PDPK1: variants seen among roughly 807,000 people sequenced by gnomAD.
The protein encoded by PDPK1 is 3-phosphoinositide dependent protein kinase 1.
Under a neutral mutation model 39.8 loss-of-function variants are expected in PDPK1, and 7 were observed. The ratio of observed to expected loss-of-function variants is 0.18; its 90% confidence interval spans 0.10 to 0.33. PDPK1 has a LOEUF of 0.33. Ranked by LOEUF, PDPK1 falls within the 10% of genes least tolerant of loss-of-function variation. The pLI is 1.00. For missense variants in PDPK1, 182 were observed against 384.7 expected, an observed-to-expected ratio of 0.47 and a Z score of 4.41; for synonymous variants, 118 against 159.1, an observed-to-expected ratio of 0.74 and a Z score of 1.95.
chr16:2,592,360 A>G (rs1420620387), intron 11 of PDPK1, among the ~76,000 whole-genome samples: 2 of 152,166 alleles, frequency 1.3e-5, no homozygotes, highest in Non-Finnish European at 2.9e-5. Context: ...TCCCGTGTGC[A>G]TGGCGAGTAG....
chr16:2,594,394 A>AT (rs2067056937), intron 11 of PDPK1: 1 of 152,038 alleles, frequency 6.6e-6, no homozygotes. Flanking sequence ...AATACAAAAA[A>AT]TTAGCTGGGC....
At chr16:2,542,630 G>A (rs1488968640) in intron 1 of PDPK1, among the ~76,000 whole-genome samples, 6 of 152,220 alleles carry the variant, frequency 3.9e-5, no homozygotes, top group Non-Finnish European at 5.9e-5. Context: ...GATGAAGGTG[G>A]GCATGTAGTT....
At chr16:2,588,746 A>G (rs1430928290) in intron 11 of PDPK1, among the ~76,000 whole-genome samples, 6 of 152,094 alleles carry the variant, frequency 3.9e-5, no homozygotes, top group African/African-American at 1.4e-4. Flanking sequence ...TCTGTCCAGC[A>G]CCTGCTCTTT....
rs1359282245 is a variant in PDPK1 at position 2,600,189 on chromosome 16, C to G, written c.*2422C>G. 1 of 233,268 alleles carries G rather than the reference C, an allele frequency of 4.3e-6. No individual in the cohort carries two copies. Among genetic ancestry groups the G allele is most frequent in the African/African-American group, 2.2e-5 (1 of 45,466 alleles). The allele number at this position is 233,268 out of a possible 1,614,324, so 14.4% of individuals were successfully genotyped here. The stretch of plus-strand genomic sequence containing the variant: ...AGGCGCCTTACATTCTACGGTAGAA[C>G]GTGGGGTACTGTGTGTGCACATAGA... On this transcript the variant is annotated 3_prime_UTR_variant, in exon 14 of 14. Coordinates refer to ENST00000342085, the MANE Select transcript of PDPK1 (RefSeq NM_002613.5).
At chr16:2,546,044 GTATT>G (rs2066338211) in intron 1 of PDPK1, among the ~76,000 whole-genome samples, 1 of 152,128 alleles carries the variant, frequency 6.6e-6, no homozygotes, top group Admixed American at 6.5e-5. Context: ...TTCAGGCTAA[GTATT>G]TATGGCAAGA....
At chr16:2,542,481 A>G (rs2141936012) in intron 1 of PDPK1, among the ~76,000 whole-genome samples, 1 of 152,292 alleles carries the variant, frequency 6.6e-6, no homozygotes, top group Admixed American at 6.5e-5. Flanking sequence ...AAAGAGTTGG[A>G]TTATACAGGG....
At chr16:2,546,172 C>T (rs1240971156) in intron 1 of PDPK1, among the ~76,000 whole-genome samples, 1 of 151,940 alleles carries the variant, frequency 6.6e-6, no homozygotes, top group East Asian at 1.9e-4. Context: ...CAACCTCTGC[C>T]ACCCGGGTTC....
chr16:2,590,103 C>T (rs971739979), intron 11 of PDPK1, among the ~76,000 whole-genome samples: 1 of 152,168 alleles, frequency 6.6e-6, no homozygotes, highest in African/African-American at 2.4e-5. Context: ...CCTGTGTCCC[C>T]TGGCTTCTCA....
chr16:2,543,849 G>A (rs2066284737), intron 1 of PDPK1, among the ~76,000 whole-genome samples: 1 of 151,806 alleles, frequency 6.6e-6, no homozygotes, highest in South Asian at 2.1e-4. Flanking sequence ...AGCCTCCTGA[G>A]TAGCTGGGAT....
chr16:2,539,632 C>T (rs2066207725), intron 1 of PDPK1: 1 of 152,158 alleles, frequency 6.6e-6, no homozygotes, highest in Non-Finnish European at 1.5e-5. Context: ...TTCGCTATTT[C>T]GACATGTGTG....
rs937212501 is a variant in PDPK1, at chr16:2,601,314, C to T, written c.*3547C>T. Reference sequence around the variant, plus strand: ...CAAAGAATGTCTGAATAAGACCGCTCTTTATTTAAATGCTAAGAGGATGTC... The same window carrying T: ...CAAAGAATGTCTGAATAAGACCGCTTTTTATTTAAATGCTAAGAGGATGTC... On this transcript the variant is annotated 3_prime_UTR_variant, in exon 14 of 14. Coordinates refer to ENST00000342085, the MANE Select transcript of PDPK1 (RefSeq NM_002613.5). The T allele has an allele frequency of 4.3e-6, 1 of 234,458 alleles. No homozygotes were observed. 14.5% of individuals were successfully genotyped at this position (234,458 alleles called of 1,614,324 possible).
rs535500206 is a variant in PDPK1 at position 2,595,450 on chromosome 16, A to G, written c.1344-343A>G. On this transcript the variant is annotated intron_variant, in intron 11 of 13. Coordinates refer to ENST00000342085, the MANE Select transcript of PDPK1 (RefSeq NM_002613.5). ...TCGGGAGGCAGTTCTGCGCCTCACC[A>G]CAGCTTTGTTAAGGCAGCAATGACC... Among the ~76,000 whole-genome samples, 6 of 152,158 alleles carry G rather than the reference A, an allele frequency of 3.9e-5. No homozygotes were observed. In the East Asian group the frequency reaches 5.8e-4, roughly 15 times the overall value.
At chr16:2,573,848 G>A (rs1409879121) in intron 6 of PDPK1, among the ~76,000 whole-genome samples, 14 of 56,102 alleles carry the variant, frequency 2.5e-4, no homozygotes, top group Non-Finnish European at 3.4e-4. Context: ...AAGCTGGAGT[G>A]CGGTGGCGCG....
Position 2,603,053 on chromosome 16 carries a change from T to G in PDPK1, c.*5286T>G, listed in dbSNP as rs1361382896. The G allele has an allele frequency of 8.7e-6, 2 of 229,620 alleles. No homozygotes were observed. The allele number at this position is 229,620 out of a possible 1,614,324, so 14.2% of individuals were successfully genotyped here. A position where few individuals can be genotyped will look rare whatever the true frequency, so the allele number is the denominator to read the frequency against. ...TTATATAAATTTTCTATTGGGTCAG[T>G]GATTTAATCATATAATTTAATGAAT... On this transcript the variant is annotated 3_prime_UTR_variant, in exon 14 of 14. Transcript: ENST00000342085.
In PDPK1 at chr16:2,593,032, T is replaced by C. The variant is rs757506040; in HGVS notation, c.1344-2761T>C. ...GCTCCTTGCCTGTGGCCTTTTTTTT[T>C]CTCAGGATGGATTTCTGGAAGCGAG... is the stretch of plus-strand genomic sequence containing the variant. On this transcript the variant is annotated intron_variant, in intron 11 of 13. Transcript: ENST00000342085. The surrounding 1 kb of genome is among the most constrained non-coding windows in gnomAD (Gnocchi z 4.2). 6.4e-5 allele frequency: 29 copies of C among 456,514 alleles called. No homozygotes were observed. Among genetic ancestry groups the C allele is most frequent in the African/African-American group, 2.0e-4 (10 of 50,020 alleles). The allele number at this position is 456,514 out of a possible 1,614,324, so 28.3% of individuals were successfully genotyped here.
chr16:2,592,543 T>C (rs996144929), intron 11 of PDPK1: 6 of 334,260 alleles, frequency 1.8e-5, no homozygotes, highest in Non-Finnish European at 2.9e-5. Flanking sequence ...GGCCTACTGG[T>C]GGGTACCTGT....
At chr16:2,547,352 C>T (rs1337881878) in intron 1 of PDPK1, among the ~76,000 whole-genome samples, 1 of 128,006 alleles carries the variant, frequency 7.8e-6, no homozygotes, top group African/African-American at 3.6e-5. Flanking sequence ...CGGGCTCAGA[C>T]GCTCAGATGC....
In PDPK1 at chr16:2,595,834, C is replaced by T; in HGVS notation, c.1385C>T (p.Pro462Leu). ...VENNLILKMG[P>L]VDKRKGLFAR... Reference sequence around the variant, plus strand: ...AATAATTTAATACTAAAGATGGGCCCAGTGGATAAGCGGAAGGTGAGTGGT... The same window carrying T: ...AATAATTTAATACTAAAGATGGGCCTAGTGGATAAGCGGAAGGTGAGTGGT... The change falls in exon 12 of 14, where the codon CCA becomes CTA. Residue 462 changes from proline (P) to leucine (L), a missense_variant. Pro to Leu is a moderately conservative substitution (Grantham distance 98, BLOSUM62 -3). Around this residue, in one of 5 missense-constraint regions of PDPK1, gnomAD observed 90 missense variants for 111.9 expected, o/e 0.80. Transcript: ENST00000342085. 6.2e-7 allele frequency: 1 copy of T among 1,613,578 alleles called. No individual in the cohort carries two copies. Among genetic ancestry groups the T allele is most frequent in the Non-Finnish European group, 8.5e-7 (1 of 1,179,476 alleles).
At chr16:2,592,222 A>G (rs1040143496) in intron 11 of PDPK1, among the ~76,000 whole-genome samples, 7 of 152,172 alleles carry the variant, frequency 4.6e-5, no homozygotes, top group Non-Finnish European at 1.0e-4. Context: ...GCATCGGGAA[A>G]GGGGGTTTTC....
Sources: allele counts gnomAD v4.1 joint callset (sites outside exome capture counted in the v4.1 genomes callset), GRCh38; gene constraint gnomAD v4.1.1; regional missense constraint gnomAD v4.1.1; non-coding constraint Gnocchi (gnomAD v3.1); transcripts MANE v1.5; gene names NCBI Gene and HGNC (gene_info 2026-07-23, HGNC 2026-07-21).